EFCAB8: variants seen among roughly 807,000 people sequenced by gnomAD.
EFCAB8 encodes the protein EF-hand calcium binding domain 8.
Under a neutral mutation model 116.3 loss-of-function variants are expected in EFCAB8, and 100 were observed. The observed-to-expected ratio is 0.86, with a 90% CI of 0.73 to 1.02. The LOEUF (loss-of-function observed/expected upper bound fraction) is 1.02. Among genes scored for constraint, EFCAB8 ranks in the 50% least tolerant of loss-of-function variants. The pLI is 0.00. For synonymous variants in EFCAB8, 558 were observed against 567.9 expected (o/e 0.98, Z 0.25); for missense variants, 1,320 against 1,416.9 (o/e 0.93, Z 1.10).
intron 15 of EFCAB8, among the ~76,000 whole-genome samples, chr20:32,910,738 C>CTTTTTTTTT (rs34185318): frequency 4.7e-5 from 5 of 107,308 alleles, no homozygotes; most frequent in African/African-American, 8.0e-5. Context: ...TCACTTGCTA[C>CTTTTTTTTT]TTTTTTTTTT....
chr20:32,951,091 G>A (rs146351609), intron 23 of EFCAB8, among the ~76,000 whole-genome samples: 5 of 152,292 alleles, frequency 3.3e-5, no homozygotes, highest in East Asian at 1.9e-4. Context: ...TCTCCTGCAC[G>A]GCTAATGGGA....
chr20:32,883,792 G>A (rs537669213), intron 5 of EFCAB8, among the ~76,000 whole-genome samples: 23 of 152,200 alleles, frequency 1.5e-4, no homozygotes, highest in Non-Finnish European at 1.9e-4. Context: ...CCGGGTTCAA[G>A]CGATTCTCCT....
chr20:32,900,393 G>C (rs1382088927), intron 11 of EFCAB8, among the ~76,000 whole-genome samples: 2 of 151,924 alleles, frequency 1.3e-5, no homozygotes, highest in African/African-American at 4.8e-5. Flanking sequence ...ACGGAATCTT[G>C]TTGTGTCACC....
chr20:32,928,704 C>G (rs2146271088), intron 20 of EFCAB8, among the ~76,000 whole-genome samples: 1 of 152,034 alleles, frequency 6.6e-6, no homozygotes, highest in East Asian at 1.9e-4. Flanking sequence ...CCTTTTATTT[C>G]TTTTTTTGCC....
chr20:32,862,056 C>G (rs562242992), intron 1 of EFCAB8, among the ~76,000 whole-genome samples: 1 of 152,052 alleles, frequency 6.6e-6, no homozygotes, highest in African/African-American at 2.4e-5. Flanking sequence ...GTTTCTCCCT[C>G]TTTCTGTCCT....
At chr20:32,859,975 C>G (rs1420534551) in intron 1 of EFCAB8, among the ~76,000 whole-genome samples, 1 of 152,176 alleles carries the variant, frequency 6.6e-6, no homozygotes, top group Admixed American at 6.5e-5. Flanking sequence ...CACCTTTCAT[C>G]TCTAACAGTT....
intron 23 of EFCAB8, among the ~76,000 whole-genome samples, chr20:32,949,166 A>G (rs1268686223): frequency 6.6e-6 from 1 of 152,232 alleles, no homozygotes; most frequent in Non-Finnish European, 1.5e-5. Context: ...TTGTATTTCT[A>G]TATACTAGCA....
At chr20:32,882,759 A>G (rs897076490) in intron 5 of EFCAB8, among the ~76,000 whole-genome samples, 1 of 150,994 alleles carries the variant, frequency 6.6e-6, no homozygotes, top group Non-Finnish European at 1.5e-5. Context: ...GCAGTGGTGC[A>G]ATCTCGGCTC....
chr20:32,877,152 G>GGT (rs1170122512), intron 4 of EFCAB8, among the ~76,000 whole-genome samples: 1 of 151,274 alleles, frequency 6.6e-6, no homozygotes, highest in Non-Finnish European at 1.5e-5. Context: ...CCTCAGCATA[G>GGT]GTATACATTC....
Position 32,891,248 on chromosome 20 carries a change from A to G in EFCAB8, c.674-965A>G, listed in dbSNP as rs1985895533. 2.6e-5 allele frequency among the ~76,000 whole-genome samples: 4 copies of G among 152,104 alleles called. No individual in the cohort carries two copies. In the South Asian group the frequency reaches 8.3e-4, roughly 32 times the overall value. On this transcript the variant is annotated intron_variant, in intron 7 of 26. Coordinates refer to ENST00000400522, the MANE Select transcript of EFCAB8 (RefSeq NM_001143967.2). Reference sequence around the variant, plus strand: ...CCTCAGCCTCCTGAGTAGCTGAACTAGGGATTCATTTATTTTGGTTGAAAA... The same window carrying G: ...CCTCAGCCTCCTGAGTAGCTGAACTGGGGATTCATTTATTTTGGTTGAAAA...
intron 2 of EFCAB8, among the ~76,000 whole-genome samples, chr20:32,865,546 C>T (rs1486687235): frequency 2.1e-4 from 32 of 151,934 alleles, no homozygotes; most frequent in Admixed American, 2.0e-3. Flanking sequence ...ATCTGTAATC[C>T]CAGCACTTTG....
chr20:32,961,642 G>T lies in EFCAB8; in HGVS notation c.*33G>T. On this transcript the variant is annotated 3_prime_UTR_variant, in exon 27 of 27. Coordinates refer to ENST00000400522, the MANE Select transcript of EFCAB8 (RefSeq NM_001143967.2). ...CGCTGTCTTCTCTAGTCCTCCAGCA[G>T]GGCAACCAGGCCCATGGCGGTCCTG... 1 of 1,216,304 alleles carries T rather than the reference G, an allele frequency of 8.2e-7. No homozygotes were observed. The highest frequency in any genetic ancestry group is 3.6e-5 in the South Asian group (1 of 27,956). The allele number at this position is 1,216,304 out of a possible 1,614,324, so 75.3% of individuals were successfully genotyped here.
rs566231327 is a variant in EFCAB8, at chr20:32,875,862, G to A, written c.209-64G>A. ...CAGCACCCAGACACTTGAGAACTCC[G>A]TGGCAGTGATGGGCCGAGGGACTTG... On this transcript the variant is annotated intron_variant, in intron 3 of 26. Coordinates refer to ENST00000400522, the MANE Select transcript of EFCAB8 (RefSeq NM_001143967.2). The A allele has an allele frequency of 1.6e-4, 227 of 1,437,464 alleles. 1 individual carries two copies. The highest frequency in any genetic ancestry group is 2.0e-4 in the Non-Finnish European group (204 of 1,045,332). 89.0% of individuals were successfully genotyped at this position (1,437,464 alleles called of 1,614,324 possible). A position where few individuals can be genotyped will look rare whatever the true frequency, so the allele number is the denominator to read the frequency against.
At chr20:32,926,163 G>A (rs1987662514) in intron 20 of EFCAB8, among the ~76,000 whole-genome samples, 1 of 152,218 alleles carries the variant, frequency 6.6e-6, no homozygotes, top group African/African-American at 2.4e-5. Context: ...AGGAATGGCT[G>A]GGAAGGATGC....
intron 23 of EFCAB8, among the ~76,000 whole-genome samples, chr20:32,948,556 GAAAGAAAGAAAGAA>G (rs1988686200): frequency 6.9e-6 from 1 of 145,754 alleles, no homozygotes; most frequent in African/African-American, 2.6e-5. Context: ...AAGAAAGAAA[GAAAGAAAGAAAGAA>G]AGAAAGAAAG....
At chr20:32,916,496 C>T (rs1248697282) in intron 17 of EFCAB8, among the ~76,000 whole-genome samples, 3 of 151,890 alleles carry the variant, frequency 2.0e-5, no homozygotes, top group Admixed American at 6.6e-5. Context: ...TGGCCTCAAA[C>T]GATTTTCCTT....
chr20:32,885,811 T>G (rs1985595124), intron 6 of EFCAB8, among the ~76,000 whole-genome samples, 171 bp downstream of exon 6: 1 of 152,188 alleles, frequency 6.6e-6, no homozygotes, highest in Admixed American at 6.5e-5. Flanking sequence ...AGCCACACAT[T>G]TCCCTTCTGC....
Position 32,904,577 on chromosome 20 carries a change from G to C in EFCAB8, c.1089-1985G>C, listed in dbSNP as rs1214177727. On this transcript the variant is annotated intron_variant, in intron 11 of 26. Coordinates refer to ENST00000400522, the MANE Select transcript of EFCAB8 (RefSeq NM_001143967.2). ...GCCTGCCAAAGTGCTGGGATTGCAG[G>C]TGTGAGCCACCACACCTGAATGGAG... 2.0e-5 allele frequency among the ~76,000 whole-genome samples: 3 copies of C among 151,046 alleles called. 1 individual carries two copies. Among genetic ancestry groups the C allele is most frequent in the African/African-American group, 7.3e-5 (3 of 40,958 alleles).
chr20:32,955,273 C>T (rs1174393600), intron 23 of EFCAB8, among the ~76,000 whole-genome samples: 1 of 152,210 alleles, frequency 6.6e-6, no homozygotes, highest in Non-Finnish European at 1.5e-5. Context: ...GGCTCAGTGG[C>T]TCATGCCTGT....
Sources: allele counts gnomAD v4.1 joint callset (sites outside exome capture counted in the v4.1 genomes callset), GRCh38; gene constraint gnomAD v4.1.1; transcripts MANE v1.5; gene names NCBI Gene and HGNC (gene_info 2026-07-23, HGNC 2026-07-21).